Variants in PDE4D observed in about 807,000 individuals in gnomAD.
PDE4D encodes the protein phosphodiesterase 4D.
In PDE4D, 24 loss-of-function variants were observed where a neutral mutation model predicts 87.4. The observed-to-expected ratio is 0.27, with a 90% CI of 0.20 to 0.39. PDE4D has a LOEUF of 0.39. PDE4D is among the 10% of genes least tolerant of loss of function. The probability of loss-of-function intolerance (pLI) is 1.00; values close to 1 mark genes in which losing one functional copy is unlikely to be tolerated. For missense variants in PDE4D, 714 were observed against 1,041.0 expected (o/e 0.69, Z 4.32); for synonymous variants, 384 against 383.2 (o/e 1.00, Z -0.02).
Position 60,200,115 on chromosome 5 carries a change from G to C in PDE4D, c.-89-14428C>G, listed in dbSNP as rs527821089. ...ATAATTTTATATTATAATTACAAACGCTTATGGGGCATTTGCTATGTACCA... is the reference window on the plus strand; with the variant it reads ...ATAATTTTATATTATAATTACAAACCCTTATGGGGCATTTGCTATGTACCA... On this transcript the variant is annotated intron_variant, in intron 1 of 16. Transcript: ENST00000502484. 1.3e-5 allele frequency among the ~76,000 whole-genome samples: 2 copies of C among 151,464 alleles called. 1 individual carries two copies. Among genetic ancestry groups the C allele is most frequent in the Non-Finnish European group, 3.0e-5 (2 of 67,728 alleles).
chr5:59,022,537 T>A (rs767213911), intron 6 of PDE4D, among the ~76,000 whole-genome samples: 1 of 152,192 alleles, frequency 6.6e-6, no homozygotes, highest in Admixed American at 6.5e-5. Flanking sequence ...TTATCCTATA[T>A]CTTCTCTATC....
intron 5 of PDE4D, among the ~76,000 whole-genome samples, chr5:59,102,602 C>T (rs1018061695): frequency 6.6e-6 from 1 of 152,122 alleles, no homozygotes; most frequent in Admixed American, 6.5e-5. Context: ...CAGACAATAG[C>T]GGTAACCCTT....
At chr5:60,056,071 T>A (rs1316848988) in intron 2 of PDE4D, among the ~76,000 whole-genome samples, 1 of 152,020 alleles carries the variant, frequency 6.6e-6, no homozygotes, top group East Asian at 1.9e-4. Context: ...CTTCATCTCC[T>A]CTCAGCATAA....
chr5:59,009,660 T>A (rs1052663983), intron 6 of PDE4D, among the ~76,000 whole-genome samples: 1 of 152,048 alleles, frequency 6.6e-6, no homozygotes. Context: ...ATAGTACATA[T>A]ATATTATAAT....
rs879791871 is a variant in PDE4D, at chr5:59,398,053, G to C, written c.456-182085C>G. Among the ~76,000 whole-genome samples the C allele has an allele frequency of 7.9e-3, 1,108 of 139,570 alleles. 19 individuals carry two copies. The highest frequency in any genetic ancestry group is 0.013 in the Admixed American group (181 of 13,916). The allele number at this position is 139,570 out of a possible 152,430, so 91.6% of individuals were successfully genotyped here. A position where few individuals can be genotyped will look rare whatever the true frequency, so the allele number is the denominator to read the frequency against. On this transcript the variant is annotated intron_variant, in intron 1 of 14. Coordinates refer to ENST00000340635, the MANE Select transcript of PDE4D (RefSeq NM_001104631.2). ...CAGGAAGAAGTTGAATCTCTGAATA[G>C]ACCAATAACAGGATCTGAAATTGTG...
intron 1 of PDE4D, among the ~76,000 whole-genome samples, chr5:60,292,074 C>T (rs536381931): frequency 6.6e-6 from 1 of 152,210 alleles, no homozygotes; most frequent in South Asian, 2.1e-4. Context: ...TGTGTGTCTG[C>T]ATGTGTTTGT....
intron 1 of PDE4D, among the ~76,000 whole-genome samples, chr5:60,207,300 C>T (rs1331590318): frequency 6.6e-6 from 1 of 152,156 alleles, no homozygotes; most frequent in Non-Finnish European, 1.5e-5. Flanking sequence ...GGAAATGAGA[C>T]TATATGAGGC....
intron 2 of PDE4D, among the ~76,000 whole-genome samples, chr5:59,196,456 T>C (rs1715940652): frequency 6.6e-6 from 1 of 152,228 alleles, no homozygotes; most frequent in African/African-American, 2.4e-5. Flanking sequence ...GGCCCATCAT[T>C]CTGACTTTCC....
rs553746665 is a variant in PDE4D at position 60,116,753 on chromosome 5, C to T, written c.42+68804G>A. 7.9e-5 allele frequency among the ~76,000 whole-genome samples: 12 copies of T among 152,066 alleles called. No individual in the cohort carries two copies. The South Asian group carries it at 2.5e-3, about 32-fold the overall frequency. On this transcript the variant is annotated intron_variant, in intron 2 of 16. Coordinates refer to the PDE4D transcript ENST00000502484. The stretch of plus-strand genomic sequence containing the variant: ...ATTCTTACATTTGGGAAATTGCAAA[C>T]TCATTGCCCATAGGAAATGACATCT...
At chr5:60,288,575 G>T (rs1752621625) in intron 1 of PDE4D, among the ~76,000 whole-genome samples, 1 of 152,116 alleles carries the variant, frequency 6.6e-6, no homozygotes, top group Non-Finnish European at 1.5e-5. Flanking sequence ...CTAGTGATAT[G>T]TATGAAAAAA....
At chr5:59,592,059 C>T (rs1397952692) in intron 1 of PDE4D, 2 of 764,044 alleles carry the variant, frequency 2.6e-6, no homozygotes, top group Non-Finnish European at 3.2e-6. Flanking sequence ...CAGAATGAGA[C>T]CTGAGGTGGC....
intron 2 of PDE4D, among the ~76,000 whole-genome samples, chr5:60,049,141 CT>C (rs1372123393): frequency 1.3e-5 from 2 of 152,206 alleles, no homozygotes; most frequent in Admixed American, 6.5e-5. Context: ...GATACCTTTT[CT>C]TCCAGTTGAT....
intron 1 of PDE4D, among the ~76,000 whole-genome samples, chr5:60,382,078 A>G (rs1761898521): frequency 6.6e-6 from 1 of 152,178 alleles, no homozygotes; most frequent in Non-Finnish European, 1.5e-5. Context: ...ACATTTTAAA[A>G]TCAGCTGTAT....
At chr5:59,369,410 C>T (rs901867527) in intron 1 of PDE4D, among the ~76,000 whole-genome samples, 2 of 152,062 alleles carry the variant, frequency 1.3e-5, no homozygotes, top group African/African-American at 4.8e-5. Context: ...AGGTTTAATT[C>T]CTTCCAGGGA....
chr5:59,038,994 G>A lies in PDE4D; in HGVS notation c.809-23C>T, dbSNP rs1759078994. Reference sequence around the variant, plus strand: ...CCTCTGCGAAGAGACAGGGAAAGGGGGACTCAGTTCTCAAGCGCTTCACGG... The same window carrying A: ...CCTCTGCGAAGAGACAGGGAAAGGGAGACTCAGTTCTCAAGCGCTTCACGG... On this transcript the variant is annotated intron_variant, in intron 5 of 14. Coordinates refer to ENST00000340635, the MANE Select transcript of PDE4D (RefSeq NM_001104631.2). The A allele has an allele frequency of 1.9e-6, 3 of 1,559,130 alleles. 1 individual carries two copies. Among genetic ancestry groups the A allele is most frequent in the Non-Finnish European group, 2.6e-6 (3 of 1,151,008 alleles).
chr5:59,016,355 T>G (rs1293397773), intron 6 of PDE4D, among the ~76,000 whole-genome samples: 1 of 151,784 alleles, frequency 6.6e-6, no homozygotes, highest in Admixed American at 6.6e-5. Context: ...ATCACAGTTT[T>G]TTTTTTTTTC....
At chr5:59,489,172 G>A (rs969196860) in intron 1 of PDE4D, among the ~76,000 whole-genome samples, 2 of 151,612 alleles carry the variant, frequency 1.3e-5, no homozygotes, top group Non-Finnish European at 2.9e-5. Context: ...GGCTGAGGCA[G>A]GAGAATCGCT....
chr5:60,019,725 G>C (rs1022436852), intron 2 of PDE4D, among the ~76,000 whole-genome samples: 1 of 152,144 alleles, frequency 6.6e-6, no homozygotes, highest in African/African-American at 2.4e-5. Context: ...TTTGGTTTAA[G>C]GGAATGTTGT....
intron 1 of PDE4D, among the ~76,000 whole-genome samples, chr5:59,228,441 A>C (rs749521862): frequency 0.027 from 1,467 of 55,208 alleles, 13 homozygotes; most frequent in Admixed American, 0.043. Context: ...AACAACAACA[A>C]AAAAAAAAAA....
Sources: allele counts gnomAD v4.1 joint callset (sites outside exome capture counted in the v4.1 genomes callset), GRCh38; gene constraint gnomAD v4.1.1; transcripts MANE v1.5; gene names NCBI Gene and HGNC (gene_info 2026-07-23, HGNC 2026-07-21).